Variants in SIPA1L1 observed in about 807,000 individuals in gnomAD.
SIPA1L1 encodes signal-induced proliferation-associated 1-like protein 1.
SIPA1L1 carries 26 observed loss-of-function variants against 162.7 expected under a neutral mutation model. The ratio of observed to expected loss-of-function variants is 0.16; its 90% CI spans 0.12 to 0.22. The LOEUF (loss-of-function observed/expected upper bound fraction) is 0.22. Ranked by LOEUF, SIPA1L1 falls within the 10% of genes least tolerant of loss-of-function variation. SIPA1L1 has a pLI of 1.00. For missense variants in SIPA1L1, 1,874 were observed against 2,241.0 expected (o/e 0.84, Z 3.31); for synonymous variants, 829 against 837.4 (o/e 0.99, Z 0.17).
intron 2 of SIPA1L1, among the ~76,000 whole-genome samples, chr14:71,387,008 G>A (rs1038928508): frequency 2.6e-5 from 4 of 152,112 alleles, no homozygotes; most frequent in African/African-American, 9.7e-5. Flanking sequence ...CAGCACTTTG[G>A]GAGGCCAAGG....
chr14:71,441,802 A>G (rs920686478), intron 2 of SIPA1L1, among the ~76,000 whole-genome samples: 3 of 151,990 alleles, frequency 2.0e-5, no homozygotes, highest in South Asian at 2.1e-4. Context: ...ACTTTTTTTG[A>G]TATGTTGCTT....
chr14:71,495,911 AAAGAAG>A (rs1461871233), intron 2 of SIPA1L1, among the ~76,000 whole-genome samples: 1 of 106,126 alleles, frequency 9.4e-6, no homozygotes, highest in Non-Finnish European at 2.5e-5. Context: ...AAAAAAAAAA[AAAGAAG>A]AAGAAAGAAA....
intron 2 of SIPA1L1, among the ~76,000 whole-genome samples, chr14:71,367,849 C>G (rs1228660265): frequency 1.3e-5 from 2 of 148,182 alleles, no homozygotes; most frequent in African/African-American, 5.0e-5. Flanking sequence ...TCAGGTAACT[C>G]CCCTGCATCG....
intron 2 of SIPA1L1, among the ~76,000 whole-genome samples, chr14:71,349,241 G>C (rs887591399): frequency 3.9e-5 from 6 of 152,226 alleles, no homozygotes; most frequent in African/African-American, 1.4e-4. Context: ...GGGGAACCCA[G>C]CAAGGCCTGT....
intron 4 of SIPA1L1, among the ~76,000 whole-genome samples, chr14:71,566,867 A>G (rs2146831047): frequency 1.3e-5 from 2 of 152,340 alleles, no homozygotes; most frequent in South Asian, 4.1e-4. Flanking sequence ...TACACTTTAA[A>G]CAAAAGCCAA....
intron 2 of SIPA1L1, among the ~76,000 whole-genome samples, chr14:71,449,513 C>T (rs1180602197): frequency 3.3e-5 from 5 of 152,180 alleles, no homozygotes; most frequent in Non-Finnish European, 7.3e-5. Context: ...CAAGGCTACA[C>T]ATCTGGTGAC....
At chr14:71,656,785 T>G (rs2043093884) in intron 8 of SIPA1L1, among the ~76,000 whole-genome samples, 1 of 152,204 alleles carries the variant, frequency 6.6e-6, no homozygotes, top group South Asian at 2.1e-4. Context: ...ACAGTTGTAG[T>G]CTATTCTTAG....
chr14:71,372,931 A>T (rs2039023797), intron 2 of SIPA1L1, among the ~76,000 whole-genome samples: 1 of 152,132 alleles, frequency 6.6e-6, no homozygotes, highest in Non-Finnish European at 1.5e-5. Flanking sequence ...TTTAATTGAA[A>T]TGTTTCTGAT....
intron 2 of SIPA1L1, among the ~76,000 whole-genome samples, chr14:71,465,011 G>T (rs2046887709): frequency 6.6e-6 from 1 of 152,118 alleles, no homozygotes; most frequent in Admixed American, 6.6e-5. Context: ...GCCACTCAGG[G>T]TTTATCTCCT....
At chr14:71,350,515 T>C (rs193103787) in intron 2 of SIPA1L1, among the ~76,000 whole-genome samples, 1 of 152,316 alleles carries the variant, frequency 6.6e-6, no homozygotes, top group East Asian at 1.9e-4. Flanking sequence ...CCTATTATGC[T>C]AAGGACTTGG....
At chr14:71,614,178 A>T (rs1214533727) in intron 5 of SIPA1L1, among the ~76,000 whole-genome samples, 1 of 151,728 alleles carries the variant, frequency 6.6e-6, no homozygotes, top group East Asian at 1.9e-4. Context: ...AGATCATGCC[A>T]CGGCACTCCA....
chr14:71,726,987 A>T (rs1440757465), intron 19 of SIPA1L1, among the ~76,000 whole-genome samples: 1 of 152,122 alleles, frequency 6.6e-6, no homozygotes, highest in African/African-American at 2.4e-5. Flanking sequence ...CATGTGCCAC[A>T]TTGATTTTCC....
In SIPA1L1 at chr14:71,705,228, C is replaced by A; in HGVS notation, c.3653C>A (p.Thr1218Lys). 1 of 1,612,404 alleles carries A rather than the reference C, an allele frequency of 6.2e-7. No individual in the cohort carries two copies. The highest frequency in any genetic ancestry group is 8.5e-7 in the Non-Finnish European group (1 of 1,178,434). The change falls in exon 16 of 24, where the codon ACA becomes AAA. Residue 1218 changes from threonine (T) to lysine (K), a missense_variant. Physicochemically the swap from Thr to Lys is moderately conservative, Grantham distance 78. Coordinates refer to ENST00000381232, the MANE Select transcript of SIPA1L1 (RefSeq NM_001386936.1). ...EDSIADQMEP[T>K]CHLPAVSKVL... ...GTCCTATGCTGTATTCCAGAGCCAA[C>A]ATGCCATCTCCCAGCAGTATCAAAG...
intron 4 of SIPA1L1, among the ~76,000 whole-genome samples, chr14:71,577,362 C>G (rs2033215092): frequency 6.6e-6 from 1 of 151,564 alleles, no homozygotes; most frequent in Non-Finnish European, 1.5e-5. Context: ...AGAGAGCCTG[C>G]TATATAGTGA....
rs908477061 is a variant in SIPA1L1 at position 71,588,664 on chromosome 14, G to T, written c.792G>T (p.Gly264=). 2 of 1,613,966 alleles carry T rather than the reference G, an allele frequency of 1.2e-6. No homozygotes were observed. The highest frequency in any genetic ancestry group is 2.7e-5 in the African/African-American group (2 of 75,022). ...GSGFSLDVID[G]PISQRENLRL... ...GTTTCTCTTTGGATGTAATAGACGG[G>T]CCTATCTCACAGAGAGAGAACCTCA... The change falls in exon 5 of 24, where the codon GGG becomes GGT. Residue 264 remains glycine, a synonymous_variant. Coordinates refer to ENST00000381232, the MANE Select transcript of SIPA1L1 (RefSeq NM_001386936.1). This position sits in a 1 kb window ranked among gnomAD's most constrained non-coding sequence, Gnocchi z 4.3.
At chr14:71,364,020 G>A (rs2038049655) in intron 2 of SIPA1L1, among the ~76,000 whole-genome samples, 1 of 152,154 alleles carries the variant, frequency 6.6e-6, no homozygotes, top group South Asian at 2.1e-4. Context: ...CTTTTACGCT[G>A]TTAAAAAATT....
intron 20 of SIPA1L1, among the ~76,000 whole-genome samples, chr14:71,731,309 C>T (rs928280657): frequency 6.6e-6 from 1 of 150,392 alleles, no homozygotes; most frequent in African/African-American, 2.4e-5. Context: ...CCCCAAGGAT[C>T]ATGCCAGCTT....
intron 2 of SIPA1L1, among the ~76,000 whole-genome samples, chr14:71,375,135 C>T (rs7493151): frequency 1.3e-5 from 2 of 152,082 alleles, no homozygotes; most frequent in Non-Finnish European, 1.5e-5. Flanking sequence ...CTGTCTCTTT[C>T]GGGGTTCTGT....
At chr14:71,608,204 A>G (rs1024627539) in intron 5 of SIPA1L1, among the ~76,000 whole-genome samples, 1 of 152,196 alleles carries the variant, frequency 6.6e-6, no homozygotes, top group Non-Finnish European at 1.5e-5. Context: ...ACTCATGTGA[A>G]CATTTAGTCA....
Sources: gnomAD v4.1 joint callset for allele counts (sites outside exome capture counted in the v4.1 genomes callset) on GRCh38, gnomAD v4.1.1 for gene constraint, Gnocchi (gnomAD v3.1) non-coding constraint, MANE v1.5 for transcripts, NCBI Gene and HGNC (gene_info 2026-07-23, HGNC 2026-07-21) for gene names.